The following CADM2 variants were observed in gnomAD, a reference collection of about 807,000 sequenced individuals.
CADM2 encodes cell adhesion molecule 2, also known as immunoglobulin superfamily member 4D.
Under a neutral mutation model 49.8 loss-of-function variants are expected in CADM2, and 12 were observed. That is an observed-to-expected ratio of 0.24 (90% confidence interval 0.15 to 0.39). The LOEUF is 0.39. Among genes scored for constraint, CADM2 ranks in the 10% least tolerant of loss-of-function variants. The pLI, the probability that CADM2 is intolerant of heterozygous loss-of-function variation, is 1.00. For synonymous variants in CADM2, 214 were observed against 175.4 expected (o/e 1.22, Z -1.74); for missense variants, 378 against 492.3 (o/e 0.77, Z 2.20).
At chr3:85,919,679 A>T (rs1718848370) in intron 6 of CADM2, among the ~76,000 whole-genome samples, 1 of 151,870 alleles carries the variant, frequency 6.6e-6, no homozygotes, top group South Asian at 2.1e-4. Context: ...TTTAAAATGT[A>T]TCAAACTATT....
chr3:85,324,742 T>C (rs1053081314), intron 1 of CADM2, among the ~76,000 whole-genome samples: 3 of 152,224 alleles, frequency 2.0e-5, no homozygotes, highest in African/African-American at 7.2e-5. Context: ...TTCCTTGTGG[T>C]TGCATTCCAA....
chr3:85,044,733 T>G (rs1448587934), intron 1 of CADM2, among the ~76,000 whole-genome samples: 1 of 151,982 alleles, frequency 6.6e-6, no homozygotes, highest in African/African-American at 2.4e-5. Flanking sequence ...ATATTTGGCA[T>G]CCAAGCTAAG....
rs917346005 is a variant in CADM2, at chr3:85,912,502, A to G, written c.659A>G (p.Asn220Ser). Residue 220 changes from asparagine (N) to serine (S), a missense_variant, in exon 6 of 10, where the codon AAT becomes AGT. Coordinates refer to ENST00000383699, the MANE Select transcript of CADM2 (RefSeq NM_001167675.2). ...TGCAGAGTAGATCACGAATCCCTCA[A>G]TGCCACCCCTCAGGTAGCCATGCAG... ...VICRVDHESL[N>S]ATPQVAMQVL... The G allele has an allele frequency of 5.6e-6, 9 of 1,613,978 alleles. No individual in the cohort carries two copies. The highest frequency in any genetic ancestry group is 7.6e-6 in the Non-Finnish European group (9 of 1,179,916).
chr3:85,048,342 C>T (rs553721672), intron 1 of CADM2, among the ~76,000 whole-genome samples: 1 of 152,210 alleles, frequency 6.6e-6, no homozygotes, highest in African/African-American at 2.4e-5. Context: ...CATAAAGTGA[C>T]TAAAACTATT....
At chr3:85,710,540 T>C (rs1013315762) in intron 1 of CADM2, among the ~76,000 whole-genome samples, 3 of 152,170 alleles carry the variant, frequency 2.0e-5, no homozygotes, top group African/African-American at 7.2e-5. Context: ...TTTTATATTC[T>C]TTCCAGTTTG....
At chr3:85,350,634 A>T (rs557297733) in intron 1 of CADM2, among the ~76,000 whole-genome samples, 260 of 152,304 alleles carry the variant, frequency 1.7e-3, no homozygotes, top group Non-Finnish European at 1.5e-3. Flanking sequence ...GAGTTTCGGC[A>T]TGGAGCAGGA....
At chr3:85,193,780 T>A (rs1172676547) in intron 1 of CADM2, among the ~76,000 whole-genome samples, 1 of 152,100 alleles carries the variant, frequency 6.6e-6, no homozygotes. Context: ...CACAATGTAA[T>A]TCCTAACTCC....
intron 1 of CADM2, among the ~76,000 whole-genome samples, chr3:85,038,817 C>T (rs965062886): frequency 6.6e-6 from 1 of 152,040 alleles, no homozygotes; most frequent in African/African-American, 2.4e-5. Flanking sequence ...CCAGAGTTGA[C>T]TATAATGCCA....
Position 86,012,468 on chromosome 3 carries a change from C to G in CADM2, c.970+50821C>G, listed in dbSNP as rs572061333. On this transcript the variant is annotated intron_variant, in intron 8 of 9. Transcript: ENST00000383699. ...CGCGCGCCGGCCCTGCAGAGCCGGCCGACCTGGCTCTCCTCCGTGACCCGG... is the reference window on the plus strand; with the variant it reads ...CGCGCGCCGGCCCTGCAGAGCCGGCGGACCTGGCTCTCCTCCGTGACCCGG... 1.5e-5 allele frequency: 11 copies of G among 738,858 alleles called. No individual in the cohort carries two copies. The East Asian group carries it at 1.5e-4, about 10-fold the overall frequency. The allele number at this position is 738,858 out of a possible 1,614,324, so 45.8% of individuals were successfully genotyped here. A position where few individuals can be genotyped will look rare whatever the true frequency, so the allele number is the denominator to read the frequency against.
intron 1 of CADM2, among the ~76,000 whole-genome samples, chr3:85,335,765 T>C (rs751847573): frequency 2.5e-4 from 38 of 151,666 alleles, no homozygotes; most frequent in South Asian, 1.2e-3. Flanking sequence ...TCTGCCAAGA[T>C]GTAATTCTTG....
At chr3:85,936,358 A>G (rs929448729) in intron 7 of CADM2, among the ~76,000 whole-genome samples, 4 of 151,876 alleles carry the variant, frequency 2.6e-5, no homozygotes, top group Non-Finnish European at 4.4e-5. Context: ...AGTAATTTCA[A>G]TATTAGAATA....
intron 8 of CADM2, among the ~76,000 whole-genome samples, chr3:86,002,149 G>A (rs1227187103): frequency 6.6e-6 from 1 of 152,070 alleles, no homozygotes; most frequent in Non-Finnish European, 1.5e-5. Flanking sequence ...ACTAATTATA[G>A]GAACACAGAT....
intron 8 of CADM2, among the ~76,000 whole-genome samples, chr3:86,034,655 A>G (rs1205753728): frequency 6.6e-6 from 1 of 151,988 alleles, no homozygotes; most frequent in East Asian, 1.9e-4. Flanking sequence ...TAAACTCTTA[A>G]CTTTTAATTC....
chr3:85,357,939 T>C (rs116294909), intron 1 of CADM2, among the ~76,000 whole-genome samples: 3,304 of 152,202 alleles, frequency 0.022, 64 homozygotes, highest in Middle Eastern at 0.034. Flanking sequence ...AGGAGAATCA[T>C]GGCCGTAGGT....
intron 1 of CADM2, among the ~76,000 whole-genome samples, chr3:85,132,867 CG>C (rs1208205742): frequency 6.6e-6 from 1 of 152,118 alleles, no homozygotes; most frequent in Non-Finnish European, 1.5e-5. Flanking sequence ...TTCTTGGTTT[CG>C]CTGACTTCAA....
intron 5 of CADM2, among the ~76,000 whole-genome samples, chr3:85,907,968 C>T (rs528977766): frequency 1.3e-5 from 2 of 151,378 alleles, no homozygotes; most frequent in Admixed American, 6.6e-5. Flanking sequence ...GCACCAAAAC[C>T]GCAAAAGTGG....
At chr3:85,016,517 G>T (rs985277388) in intron 1 of CADM2, among the ~76,000 whole-genome samples, 12 of 152,134 alleles carry the variant, frequency 7.9e-5, no homozygotes, top group African/African-American at 2.2e-4. Context: ...TTGGTGCTGG[G>T]TGTGGTGGCT....
chr3:85,383,909 A>T, intron 1 of CADM2, among the ~76,000 whole-genome samples: 1 of 152,200 alleles, frequency 6.6e-6, no homozygotes, highest in East Asian at 1.9e-4. Flanking sequence ...TGAATAATTG[A>T]GTTATTTCTA....
At chr3:85,157,046 C>T (rs1255853533) in intron 1 of CADM2, among the ~76,000 whole-genome samples, 1 of 152,082 alleles carries the variant, frequency 6.6e-6, no homozygotes, top group Non-Finnish European at 1.5e-5. Flanking sequence ...ACACCAACAA[C>T]AGACAAACAG....
Sources: allele counts gnomAD v4.1 joint callset (sites outside exome capture counted in the v4.1 genomes callset), GRCh38; gene constraint gnomAD v4.1.1; transcripts MANE v1.5; gene names NCBI Gene and HGNC (gene_info 2026-07-23, HGNC 2026-07-21).